SLC25A12: variants seen among roughly 807,000 people sequenced by gnomAD.
SLC25A12 encodes electrogenic aspartate/glutamate antiporter SLC25A12, mitochondrial.
SLC25A12 carries 32 observed loss-of-function variants against 83.3 expected under a neutral mutation model. That is an observed-to-expected ratio of 0.38 (90% CI 0.29 to 0.52). The LOEUF (loss-of-function observed/expected upper bound fraction) is 0.52. SLC25A12 is among the 20% of genes least tolerant of loss of function. The pLI is 0.84. For missense variants in SLC25A12, 611 were observed against 835.6 expected, an observed-to-expected ratio of 0.73 and a Z score of 3.31; for synonymous variants, 267 against 291.1, an observed-to-expected ratio of 0.92 and a Z score of 0.84.
chr2:171,814,992 A>G lies in SLC25A12; in HGVS notation c.1012+129T>C, dbSNP rs1684020521. 3.1e-5 allele frequency: 23 copies of G among 745,802 alleles called. No individual in the cohort carries two copies. The South Asian group carries it at 3.3e-4, about 11-fold the overall frequency. The allele number at this position is 745,802 out of a possible 1,614,324, so 46.2% of individuals were successfully genotyped here. ...TCCTGATCATAGGTAAAAATAAAGA[A>G]CACTTCAGAAAGCCCTGAAGTCGTG... On this transcript the variant is annotated intron_variant, in intron 10 of 17. Coordinates refer to ENST00000422440, the MANE Select transcript of SLC25A12 (RefSeq NM_003705.5).
chr2:171,856,262 G>A (rs555576267), intron 3 of SLC25A12, among the ~76,000 whole-genome samples: 1 of 152,156 alleles, frequency 6.6e-6, no homozygotes, highest in East Asian at 1.9e-4. Context: ...CCTCAGTACT[G>A]GTGACATTTT....
At chr2:171,866,799 TG>T in intron 3 of SLC25A12, among the ~76,000 whole-genome samples, 1 of 140,350 alleles carries the variant, frequency 7.1e-6, no homozygotes, top group Non-Finnish European at 1.5e-5. Context: ...ACGGGGCGGC[TG>T]GCCTGGCGGG....
Position 171,809,689 on chromosome 2 carries a change from A to G in SLC25A12, c.1225-3T>C. On this transcript the variant is annotated splice_region_variant and splice_polypyrimidine_tract_variant and intron_variant, in intron 12 of 17. Coordinates refer to ENST00000422440, the MANE Select transcript of SLC25A12 (RefSeq NM_003705.5). ...TTGTCCCGAACAAAATCATTAACCTAATTAGAAAGACAACATCAGTTAACC... is the reference window on the plus strand; with the variant it reads ...TTGTCCCGAACAAAATCATTAACCTGATTAGAAAGACAACATCAGTTAACC... 6.2e-7 allele frequency: 1 copy of G among 1,611,562 alleles called. No homozygotes were observed. The highest frequency in any genetic ancestry group is 1.1e-5 in the South Asian group (1 of 91,024).
At position 171,868,344 on chromosome 2, in the gene SLC25A12, G is replaced by A. The variant is rs374827819; in HGVS notation, c.209+337C>T. On this transcript the variant is annotated intron_variant, in intron 3 of 17. Transcript: ENST00000422440. ...TTTTTTTTTTTTGAGACAGAGTTTC[G>A]CTCTGGTTGCCCAGGCTGAAGTGCA... is the stretch of plus-strand genomic sequence containing the variant. Among the ~76,000 whole-genome samples, 756 of 120,796 alleles carry A rather than the reference G, an allele frequency of 6.3e-3. 11 individuals are homozygous for A. The highest frequency in any genetic ancestry group is 0.026 in the East Asian group (110 of 4,238). The allele number at this position is 120,796 out of a possible 152,430, so 79.2% of individuals were successfully genotyped here.
intron 13 of SLC25A12, among the ~76,000 whole-genome samples, chr2:171,800,065 T>C (rs1683677961): frequency 6.6e-6 from 1 of 152,242 alleles, no homozygotes; most frequent in South Asian, 2.1e-4. Context: ...TATTCTGCTT[T>C]GTTAATTTGA....
chr2:171,824,096 T>C (rs540003235), intron 9 of SLC25A12, among the ~76,000 whole-genome samples: 8 of 152,312 alleles, frequency 5.3e-5, no homozygotes, highest in African/African-American at 1.7e-4. Flanking sequence ...CCCATCACTC[T>C]GGATACCAAT....
At chr2:171,874,690 T>C (rs1447486510) in intron 2 of SLC25A12, among the ~76,000 whole-genome samples, 1 of 152,190 alleles carries the variant, frequency 6.6e-6, no homozygotes, top group Non-Finnish European at 1.5e-5. Context: ...CATAGAATAC[T>C]ATGCAGCCAT....
At chr2:171,885,834 G>A (rs556462978) in intron 2 of SLC25A12, among the ~76,000 whole-genome samples, 6 of 152,154 alleles carry the variant, frequency 3.9e-5, no homozygotes, top group African/African-American at 1.4e-4. Flanking sequence ...AATTATGCTG[G>A]GAAATCCTCT....
chr2:171,852,607 G>A (rs1300629641), intron 4 of SLC25A12: 1 of 440,676 alleles, frequency 2.3e-6, no homozygotes, highest in South Asian at 1.6e-5. Context: ...ACCTAAACAT[G>A]TGCCTATAAA....
chr2:171,803,966 C>T (rs189882384), intron 13 of SLC25A12, among the ~76,000 whole-genome samples: 1 of 152,232 alleles, frequency 6.6e-6, no homozygotes, highest in East Asian at 1.9e-4. Context: ...TGTCATATGA[C>T]ACACCAATTC....
chr2:171,886,508 T>TA (rs1444302145), intron 2 of SLC25A12, among the ~76,000 whole-genome samples: 1 of 150,002 alleles, frequency 6.7e-6, no homozygotes, highest in Non-Finnish European at 1.5e-5. Context: ...TGTACATATA[T>TA]ATTCTTTTTT....
intron 4 of SLC25A12, among the ~76,000 whole-genome samples, chr2:171,853,226 G>T (rs1684970832): frequency 6.6e-6 from 1 of 152,108 alleles, no homozygotes; most frequent in African/African-American, 2.4e-5. Context: ...GATTATGGAG[G>T]AAAAGAATGA....
chr2:171,865,114 T>C (rs537265416), intron 3 of SLC25A12, among the ~76,000 whole-genome samples: 6 of 152,290 alleles, frequency 3.9e-5, no homozygotes, highest in East Asian at 3.9e-4. Flanking sequence ...TTCACTGATA[T>C]ATTAATAATT....
intron 11 of SLC25A12, 63 bp downstream of exon 11, chr2:171,813,276 G>A (rs1394808691): frequency 6.4e-7 from 1 of 1,573,784 alleles, no homozygotes; most frequent in African/African-American, 1.3e-5. Context: ...TAATTAGTGA[G>A]TTAAAATCTG....
chr2:171,817,600 CAAAA>C lies in SLC25A12; in HGVS notation c.931-2402_931-2399del, dbSNP rs71013076. Reference sequence around the variant, plus strand: ...TGAGTGACAGAGCAAGACTCTGCCTCAAAAAAAAAAAAAAAAAAAAAAATGTATG... The same window carrying C: ...TGAGTGACAGAGCAAGACTCTGCCTCAAAAAAAAAAAAAAAAAAATGTATG... On this transcript the variant is annotated intron_variant, in intron 9 of 17. Transcript: ENST00000422440. Among the ~76,000 whole-genome samples, 27 of 64,258 alleles carry C rather than the reference CAAAA, an allele frequency of 4.2e-4. No individual in the cohort carries two copies. In the South Asian group the frequency reaches 7.2e-3, roughly 17 times the overall value. 42.2% of individuals were successfully genotyped at this position (64,258 alleles called of 152,430 possible). A position where few individuals can be genotyped will look rare whatever the true frequency, so the allele number is the denominator to read the frequency against.
chr2:171,861,833 A>C (rs1685167392), intron 3 of SLC25A12, among the ~76,000 whole-genome samples: 3 of 152,168 alleles, frequency 2.0e-5, no homozygotes, highest in Admixed American at 2.0e-4. Context: ...GAGTGAAGAA[A>C]CTACTGATTA....
chr2:171,789,439 A>G (rs1228711129), intron 15 of SLC25A12, among the ~76,000 whole-genome samples: 7 of 152,096 alleles, frequency 4.6e-5, no homozygotes, highest in Non-Finnish European at 8.8e-5. Context: ...CGTGTTAGCC[A>G]GGATGGTCTC....
chr2:171,850,759 C>G (rs146457954), intron 4 of SLC25A12, among the ~76,000 whole-genome samples: 187 of 152,330 alleles, frequency 1.2e-3, no homozygotes, highest in African/African-American at 4.3e-3. Flanking sequence ...CTGCACCTGG[C>G]CACCATAGAA....
At chr2:171,861,025 G>A (rs536058666) in intron 3 of SLC25A12, among the ~76,000 whole-genome samples, 97 of 152,136 alleles carry the variant, frequency 6.4e-4, no homozygotes, top group African/African-American at 2.0e-3. Flanking sequence ...TCAGGAAGTC[G>A]AGGCTGCAGT....
Sources: gnomAD v4.1 joint callset for allele counts (sites outside exome capture counted in the v4.1 genomes callset) on GRCh38, gnomAD v4.1.1 for gene constraint, MANE v1.5 for transcripts, NCBI Gene and HGNC (gene_info 2026-07-23, HGNC 2026-07-21) for gene names.